The following RAB3C variants were observed in gnomAD, a reference collection of about 807,000 sequenced individuals.
RAB3C encodes ras-related protein Rab-3C.
RAB3C carries 17 observed loss-of-function variants against 26.4 expected under a neutral mutation model. The observed-to-expected ratio is 0.64, with a 90% CI of 0.44 to 0.97. The LOEUF (loss-of-function observed/expected upper bound fraction) is 0.97, where lower values mean the gene tolerates loss of function less well. Among genes scored for constraint, RAB3C ranks in the 50% least tolerant of loss-of-function variants. The pLI is 0.00. For synonymous variants in RAB3C, 91 were observed against 95.9 expected, an observed-to-expected ratio of 0.95 and a Z score of 0.30; for missense variants, 242 against 281.9, an observed-to-expected ratio of 0.86 and a Z score of 1.01.
At chr5:58,754,836 C>G (rs942224924) in intron 3 of RAB3C, among the ~76,000 whole-genome samples, 2 of 152,108 alleles carry the variant, frequency 1.3e-5, no homozygotes, top group African/African-American at 4.8e-5. Context: ...TGACCACCTC[C>G]ACGGCTTCAG....
chr5:58,652,690 C>T, intron 2 of RAB3C, among the ~76,000 whole-genome samples: 1 of 98,470 alleles, frequency 1.0e-5, no homozygotes. Context: ...GGGTTTTTAT[C>T]TTGATAAAGG....
At position 58,717,509 on chromosome 5, in the gene RAB3C, G is replaced by A. The variant is rs1749197007; in HGVS notation, c.253-8493G>A. Among the ~76,000 whole-genome samples, 2 of 152,116 alleles carry A rather than the reference G, an allele frequency of 1.3e-5. 1 individual carries two copies. Among genetic ancestry groups the A allele is most frequent in the South Asian group, 4.1e-4 (2 of 4,826 alleles). On this transcript the variant is annotated intron_variant, in intron 2 of 4. Coordinates refer to ENST00000282878, the MANE Select transcript of RAB3C (RefSeq NM_138453.4). ...TCTGAATGCTGGTTCCCTTATGGAGGACCTTCAGGGAGCCTGTTAGGGCTC... is the reference window on the plus strand; with the variant it reads ...TCTGAATGCTGGTTCCCTTATGGAGAACCTTCAGGGAGCCTGTTAGGGCTC...
chr5:58,662,100 G>A (rs1747916325), intron 2 of RAB3C, among the ~76,000 whole-genome samples: 1 of 149,778 alleles, frequency 6.7e-6, no homozygotes, highest in Non-Finnish European at 1.5e-5. Flanking sequence ...CAGCTCTTGT[G>A]GGAGGTCTCC....
rs186179563 is a variant in RAB3C, at chr5:58,793,295, G to A, written c.372-31743G>A. On this transcript the variant is annotated intron_variant, in intron 3 of 4. Coordinates refer to ENST00000282878, the MANE Select transcript of RAB3C (RefSeq NM_138453.4). ...AATTCCTGGCCGGGCGCGGTGGCTC[G>A]TGCCTGTAATCCCAGCACTTTGGGG... is the stretch of plus-strand genomic sequence containing the variant. 4.6e-5 allele frequency among the ~76,000 whole-genome samples: 7 copies of A among 152,126 alleles called. No homozygotes were observed. In the East Asian group the frequency reaches 5.8e-4, roughly 13 times the overall value.
chr5:58,623,834 G>C (rs1324980666), intron 2 of RAB3C, among the ~76,000 whole-genome samples: 1 of 152,100 alleles, frequency 6.6e-6, no homozygotes, highest in Non-Finnish European at 1.5e-5. Context: ...GCTTGAGCAG[G>C]GACTTTGGAG....
At chr5:58,823,641 G>A (rs1426578232) in intron 3 of RAB3C, 1 of 209,280 alleles carries the variant, frequency 4.8e-6, no homozygotes, top group Admixed American at 4.2e-5. Flanking sequence ...AATGTCCCAT[G>A]CCCAGAAGAA....
At chr5:58,825,956 C>T (rs1399301483) in intron 4 of RAB3C, among the ~76,000 whole-genome samples, 1 of 152,002 alleles carries the variant, frequency 6.6e-6, no homozygotes, top group South Asian at 2.1e-4. Context: ...CAAGTTGCTC[C>T]CAATCGAGTG....
intron 2 of RAB3C, among the ~76,000 whole-genome samples, chr5:58,618,495 C>T (rs1035778960): frequency 7.2e-5 from 11 of 152,102 alleles, no homozygotes; most frequent in Admixed American, 1.3e-4. Context: ...AGAAGGTTCT[C>T]CCAAAGTTTT....
chr5:58,803,524 A>C (rs1279754544), intron 3 of RAB3C, among the ~76,000 whole-genome samples: 2 of 152,202 alleles, frequency 1.3e-5, no homozygotes, highest in Non-Finnish European at 2.9e-5. Context: ...TGTCTGTAAA[A>C]ATAAAAATAA....
At chr5:58,706,405 G>T (rs2111888105) in intron 2 of RAB3C, among the ~76,000 whole-genome samples, 1 of 152,228 alleles carries the variant, frequency 6.6e-6, no homozygotes, top group South Asian at 2.1e-4. Context: ...GATAGGAAAA[G>T]CAGAAAAGCA....
rs548227293 is a variant in RAB3C at position 58,769,069 on chromosome 5, G to T, written c.371+42949G>T. Reference sequence around the variant, plus strand: ...ACATATTGAAAGTAAACTGGGCAGGGTTTGATGACAGGGGAGACCAAGAAG... The same window carrying T: ...ACATATTGAAAGTAAACTGGGCAGGTTTTGATGACAGGGGAGACCAAGAAG... On this transcript the variant is annotated intron_variant, in intron 3 of 4. Transcript: ENST00000282878. 7.9e-5 allele frequency among the ~76,000 whole-genome samples: 12 copies of T among 152,078 alleles called. No individual in the cohort carries two copies. The East Asian group carries it at 2.1e-3, about 27-fold the overall frequency.
At chr5:58,698,256 ACT>A (rs1269019933) in intron 2 of RAB3C, among the ~76,000 whole-genome samples, 2 of 151,888 alleles carry the variant, frequency 1.3e-5, no homozygotes, top group Non-Finnish European at 2.9e-5. Flanking sequence ...ATCGGCCCCC[ACT>A]CTCTTCTGGC....
chr5:58,753,987 A>G (rs1741591457), intron 3 of RAB3C, among the ~76,000 whole-genome samples: 1 of 152,296 alleles, frequency 6.6e-6, no homozygotes, highest in Middle Eastern at 3.4e-3. Flanking sequence ...TAGTGGGCCA[A>G]GACGTGTCAG....
intron 4 of RAB3C, among the ~76,000 whole-genome samples, chr5:58,839,574 T>C (rs980416228): frequency 6.6e-6 from 1 of 152,018 alleles, no homozygotes; most frequent in Non-Finnish European, 1.5e-5. Flanking sequence ...TTCTCCATGT[T>C]GGTTAGGTTG....
At chr5:58,759,656 T>A (rs991248221) in intron 3 of RAB3C, among the ~76,000 whole-genome samples, 1 of 152,232 alleles carries the variant, frequency 6.6e-6, no homozygotes, top group Admixed American at 6.5e-5. Flanking sequence ...TGGAGTGGTT[T>A]TCGAATCTGC....
chr5:58,747,886 C>T (rs1265409606), intron 3 of RAB3C, among the ~76,000 whole-genome samples: 2 of 151,894 alleles, frequency 1.3e-5, no homozygotes, highest in Non-Finnish European at 2.9e-5. Flanking sequence ...TTGCCTTTGC[C>T]CAATCCCCTT....
chr5:58,849,471 AG>A (rs1442601825), intron 4 of RAB3C, among the ~76,000 whole-genome samples: 3 of 152,220 alleles, frequency 2.0e-5, no homozygotes, highest in African/African-American at 7.2e-5. Flanking sequence ...TGAACGATCT[AG>A]CTCTAAAGAC....
chr5:58,714,564 G>A (rs1349728841), intron 2 of RAB3C, among the ~76,000 whole-genome samples: 2 of 152,008 alleles, frequency 1.3e-5, no homozygotes, highest in Non-Finnish European at 2.9e-5. Flanking sequence ...AATAAATAAT[G>A]TCTGTGTTAA....
At chr5:58,785,774 T>C (rs1252435440) in intron 3 of RAB3C, among the ~76,000 whole-genome samples, 1 of 152,254 alleles carries the variant, frequency 6.6e-6, no homozygotes, top group African/African-American at 2.4e-5. Context: ...GACTTCAAAA[T>C]AGATCAACTG....
Sources: gnomAD v4.1 joint callset for allele counts (sites outside exome capture counted in the v4.1 genomes callset) on GRCh38, gnomAD v4.1.1 for gene constraint, MANE v1.5 for transcripts, NCBI Gene and HGNC (gene_info 2026-07-23, HGNC 2026-07-21) for gene names.